The following ADRA1B variants were observed in gnomAD, a reference collection of about 807,000 sequenced individuals.
ADRA1B encodes the protein alpha-1B adrenergic receptor.
Under a neutral mutation model 17.9 loss-of-function variants are expected in ADRA1B, and 17 were observed. The ratio of observed to expected loss-of-function variants is 0.95; its 90% confidence interval spans 0.65 to 1.42. ADRA1B has a LOEUF of 1.42. ADRA1B is among the 40% of genes most tolerant of loss of function. The probability of loss-of-function intolerance (pLI) is 0.00; values close to 1 mark genes in which losing one functional copy is unlikely to be tolerated. For synonymous variants in ADRA1B, 366 were observed against 327.6 expected, an observed-to-expected ratio of 1.12 and a Z score of -1.27; for missense variants, 681 against 722.1, an observed-to-expected ratio of 0.94 and a Z score of 0.65.
At chr5:159,977,574 T>C (rs1755992141), downstream of ADRA1B, among the ~76,000 whole-genome samples, 1 of 152,322 alleles carries the variant, frequency 6.6e-6, no homozygotes, top group South Asian at 2.1e-4. Context: ...TTTCCCAGCA[T>C]ATACCTGGAC....
chr5:159,973,832 G>A (rs867446746), downstream of ADRA1B, among the ~76,000 whole-genome samples: 1 of 152,148 alleles, frequency 6.6e-6, no homozygotes, highest in Non-Finnish European at 1.5e-5. Flanking sequence ...TGACTCTAAG[G>A]TCTTTGCTGC....
intron 1 of ADRA1B, among the ~76,000 whole-genome samples, chr5:159,950,284 C>CT (rs1561605559): frequency 6.6e-6 from 1 of 151,158 alleles, no homozygotes; most frequent in South Asian, 2.1e-4. Context: ...AGAATTTTTT[C>CT]TTTTTTTGGC....
intron 1 of ADRA1B, among the ~76,000 whole-genome samples, chr5:159,880,366 T>C (rs1753850235): frequency 6.6e-6 from 1 of 152,200 alleles, no homozygotes; most frequent in African/African-American, 2.4e-5. Flanking sequence ...CATAATTCAT[T>C]CCTTAAAACA....
chr5:159,884,577 G>A (rs1753902901), intron 1 of ADRA1B, among the ~76,000 whole-genome samples: 1 of 152,108 alleles, frequency 6.6e-6, no homozygotes, highest in South Asian at 2.1e-4. Context: ...ATAAATCTTT[G>A]TTCTTTATAA....
downstream of ADRA1B, among the ~76,000 whole-genome samples, chr5:159,974,977 T>C (rs1470555942): frequency 6.6e-6 from 1 of 152,142 alleles, no homozygotes; most frequent in African/African-American, 2.4e-5. Flanking sequence ...CCAGTACCTT[T>C]TACATTCCCC....
intron 1 of ADRA1B, chr5:159,954,987 G>T (rs913498336): frequency 8.2e-5 from 23 of 279,198 alleles, no homozygotes; most frequent in Non-Finnish European, 1.2e-4. Flanking sequence ...ATGGCATGCC[G>T]GTAGACCTAG....
At chr5:159,915,624 T>C (rs1156896292), upstream of ADRA1B, among the ~76,000 whole-genome samples, 1 of 151,984 alleles carries the variant, frequency 6.6e-6, no homozygotes, top group Non-Finnish European at 1.5e-5. Context: ...TCACCCCCAC[T>C]CCCAGATAGC....
At chr5:159,982,044 T>C in the ADRA1B span, among the ~76,000 whole-genome samples, 3 of 146,574 alleles carry the variant, frequency 2.0e-5, no homozygotes, top group East Asian at 3.9e-4. Flanking sequence ...TTTCTCGGAA[T>C]GCTCACCCTT....
chr5:159,895,041 G>A (rs1458976755), intron 1 of ADRA1B, among the ~76,000 whole-genome samples: 1 of 152,142 alleles, frequency 6.6e-6, no homozygotes. Context: ...TACTGTAAAT[G>A]GAAAGATGAT....
At chr5:159,954,967 G>A (rs948064523) in intron 1 of ADRA1B, 11 of 201,000 alleles carry the variant, frequency 5.5e-5, no homozygotes, top group East Asian at 1.9e-4. Flanking sequence ...CTGGAATTTC[G>A]GGGTCATTTA....
chr5:159,950,772 C>T, intron 1 of ADRA1B: 1 of 619,434 alleles, frequency 1.6e-6, no homozygotes, highest in Non-Finnish European at 3.0e-6. Flanking sequence ...AGGTGAGGTC[C>T]ATGACTGACA....
chr5:159,980,819 A>G, the ADRA1B span, among the ~76,000 whole-genome samples: 1 of 152,134 alleles, frequency 6.6e-6, no homozygotes, highest in South Asian at 2.1e-4. Context: ...GCCATCAGGA[A>G]AGCGCAAACC....
At chr5:159,923,736 G>A (rs568233296) in intron 1 of ADRA1B, among the ~76,000 whole-genome samples, 1 of 152,242 alleles carries the variant, frequency 6.6e-6, no homozygotes, top group African/African-American at 2.4e-5. Flanking sequence ...CTGGAGGAGG[G>A]GGCTGTTTTT....
intron 1 of ADRA1B, among the ~76,000 whole-genome samples, chr5:159,962,669 C>CTTT (rs113639158): frequency 3.8e-4 from 48 of 124,850 alleles, no homozygotes; most frequent in African/African-American, 1.1e-3. Flanking sequence ...TGTTTTTCAG[C>CTTT]TTTTTTTTTT....
intron 1 of ADRA1B, among the ~76,000 whole-genome samples, chr5:159,942,445 C>G (rs1452193221): frequency 1.3e-5 from 2 of 152,198 alleles, no homozygotes; most frequent in Non-Finnish European, 2.9e-5. Context: ...GAAATAAACT[C>G]TCACACATTC....
At chr5:159,977,679 A>G (rs995300705), downstream of ADRA1B, among the ~76,000 whole-genome samples, 5 of 152,170 alleles carry the variant, frequency 3.3e-5, no homozygotes, top group African/African-American at 1.2e-4. Context: ...GCTGACTTCC[A>G]GCCGACTTGG....
At chr5:159,882,040 T>C (rs184909828) in intron 1 of ADRA1B, among the ~76,000 whole-genome samples, 87 of 152,292 alleles carry the variant, frequency 5.7e-4, no homozygotes, top group Middle Eastern at 3.4e-3. Context: ...GAAGGTCCCA[T>C]CTGCAAGCGC....
chr5:159,972,175 G>C lies in ADRA1B; in HGVS notation c.1246G>C (p.Gly416Arg). 7.3e-7 allele frequency: 1 copy of C among 1,362,866 alleles called. No homozygotes were observed. Among genetic ancestry groups the C allele is most frequent in the Non-Finnish European group, 9.5e-7 (1 of 1,051,150 alleles). The allele number at this position is 1,362,866 out of a possible 1,614,324, so 84.4% of individuals were successfully genotyped here. A position where few individuals can be genotyped will look rare whatever the true frequency, so the allele number is the denominator to read the frequency against. Reference sequence around the variant, plus strand: ...GGACGACAGCGGCAGCTGCCTGAGCGGCAGCCAGCGGACCCTGCCCTCGGC... The same window carrying C: ...GGACGACAGCGGCAGCTGCCTGAGCCGCAGCCAGCGGACCCTGCCCTCGGC... Reference protein sequence around the residue: ...SLDDSGSCLSGSQRTLPSASP... With the variant: ...SLDDSGSCLSRSQRTLPSASP... Residue 416 changes from glycine to arginine, a missense_variant, in exon 2 of 2, where the codon GGC becomes CGC. This residue lies in a region of ADRA1B where 251 missense variants were observed against 224.9 expected (regional missense o/e 1.12). Transcript: ENST00000306675.
At chr5:159,909,155 G>A (rs1445245822) in intron 1 of ADRA1B, among the ~76,000 whole-genome samples, 2 of 152,172 alleles carry the variant, frequency 1.3e-5, no homozygotes, top group South Asian at 2.1e-4. Flanking sequence ...GATGGGCAAA[G>A]GAAACTGCCT....
Sources: gnomAD v4.1 joint callset for allele counts (sites outside exome capture counted in the v4.1 genomes callset) on GRCh38, gnomAD v4.1.1 for gene constraint, gnomAD v4.1.1 regional missense constraint, MANE v1.5 for transcripts, NCBI Gene and HGNC (gene_info 2026-07-23, HGNC 2026-07-21) for gene names.